Variants in RANBP3L observed in about 807,000 individuals in gnomAD.
RANBP3L encodes RAN binding protein 3 like, also known as ran-binding protein 3-like.
Under a neutral mutation model 67.2 loss-of-function variants are expected in RANBP3L, and 56 were observed. The observed-to-expected ratio is 0.83, with a 90% CI of 0.67 to 1.04. The LOEUF (loss-of-function observed/expected upper bound fraction) is 1.04. Among genes scored for constraint, RANBP3L ranks in the 50% least tolerant of loss-of-function variants. RANBP3L has a pLI of 0.00. For synonymous variants in RANBP3L, 164 were observed against 181.4 expected, an observed-to-expected ratio of 0.90 and a Z score of 0.77; for missense variants, 496 against 535.5, an observed-to-expected ratio of 0.93 and a Z score of 0.73.
In RANBP3L at chr5:36,257,469, T is replaced by A; in HGVS notation, c.757A>T (p.Asn253Tyr). 1 of 1,558,540 alleles carries A rather than the reference T, an allele frequency of 6.4e-7. No homozygotes were observed. Among genetic ancestry groups the A allele is most frequent in the Non-Finnish European group, 8.8e-7 (1 of 1,136,134 alleles). ...GAATTCTTACTTGAACTTAAAAAGTTGACAGGAAATTTCGGAATGGATTTG... is the reference window on the plus strand; with the variant it reads ...GAATTCTTACTTGAACTTAAAAAGTAGACAGGAAATTTCGGAATGGATTTG... ...PFKSIPKFPV[N>Y]FLSSRTDSIK... Residue 253 changes from asparagine (N) to tyrosine (Y), a missense_variant, in exon 9 of 14, where the codon AAC (asparagine) becomes TAC (tyrosine). By Grantham distance (143) the Asn-to-Tyr change is moderately radical. Transcript: ENST00000296604.
At chr5:36,269,524 C>T in intron 3 of RANBP3L, 57 bp from the exon 4 acceptor site, 1 of 999,526 alleles carries the variant, frequency 1.0e-6, no homozygotes, top group Admixed American at 1.7e-5. Flanking sequence ...TTATCCTCAA[C>T]TCATGATAGG....
intron 12 of RANBP3L, 122 bp downstream of exon 12, chr5:36,253,525 A>T: frequency 4.1e-6 from 3 of 728,988 alleles, no homozygotes; most frequent in Non-Finnish European, 6.8e-6. Flanking sequence ...AACAGACATA[A>T]TGAATGGCTG....
intron 1 of RANBP3L, among the ~76,000 whole-genome samples, chr5:36,299,124 C>G (rs950432097): frequency 6.6e-6 from 1 of 152,142 alleles, no homozygotes; most frequent in African/African-American, 2.4e-5. Flanking sequence ...TCCCAGCCTA[C>G]ATCTTTCTCT....
intron 11 of RANBP3L, among the ~76,000 whole-genome samples, chr5:36,254,866 T>C (rs1748858565): frequency 6.6e-6 from 1 of 152,052 alleles, no homozygotes; most frequent in Non-Finnish European, 1.5e-5. Flanking sequence ...GCTAGCTCTC[T>C]TGTATTTTTA....
chr5:36,250,783 A>C (rs1748535261), intron 13 of RANBP3L, among the ~76,000 whole-genome samples: 1 of 152,124 alleles, frequency 6.6e-6, no homozygotes. Flanking sequence ...CACTGATTCC[A>C]CTTCAACCTT....
Position 36,255,600 on chromosome 5 carries a change from A to G in RANBP3L, c.904-10T>C, listed in dbSNP as rs764674014. The G allele has an allele frequency of 5.0e-6, 8 of 1,592,710 alleles. No homozygotes were observed. The Admixed American group carries it at 1.4e-4, about 28-fold the overall frequency. ...AAAGCTTGCAGTTTATCTAAATGACAATTTTTTAAAATGTCAAATATATAG... is the reference window on the plus strand; with the variant it reads ...AAAGCTTGCAGTTTATCTAAATGACGATTTTTTAAAATGTCAAATATATAG... On this transcript the variant is annotated splice_polypyrimidine_tract_variant and intron_variant, in intron 10 of 13. Transcript: ENST00000296604.
At chr5:36,273,022 A>T (rs1047722449) in intron 1 of RANBP3L, among the ~76,000 whole-genome samples, 4 of 152,142 alleles carry the variant, frequency 2.6e-5, no homozygotes, top group African/African-American at 4.8e-5. Context: ...ATCTTCACTA[A>T]TATATTGGCA....
intron 1 of RANBP3L, among the ~76,000 whole-genome samples, chr5:36,284,030 C>A (rs1340199552): frequency 2.6e-5 from 4 of 151,766 alleles, no homozygotes; most frequent in African/African-American, 9.7e-5. Flanking sequence ...GTTGCCCAGG[C>A]TGGAGTGCAA....
chr5:36,273,686 T>G (rs1249812248), intron 1 of RANBP3L, among the ~76,000 whole-genome samples: 1 of 152,190 alleles, frequency 6.6e-6, no homozygotes, highest in Admixed American at 6.5e-5. Flanking sequence ...CCTGACCCAG[T>G]AGGAGAATCT....
At chr5:36,299,835 A>G (rs1752494064) in intron 1 of RANBP3L, among the ~76,000 whole-genome samples, 1 of 152,220 alleles carries the variant, frequency 6.6e-6, no homozygotes. Flanking sequence ...AAATTTGTTC[A>G]TCCTCTGTCA....
rs779557189 is a variant in RANBP3L at position 36,253,773 on chromosome 5, G to A, written c.1041C>T (p.Gly347=). The A allele has an allele frequency of 3.7e-6, 6 of 1,612,302 alleles. No individual in the cohort carries two copies. The highest frequency in any genetic ancestry group is 1.7e-4 in the Middle Eastern group (1 of 6,052). Residue 347 remains glycine (G), a synonymous_variant, in exon 12 of 14, where the codon GGC becomes GGT. Transcript: ENST00000296604. ...LQSRLIMRNQ[G]SLRLILNSKL... is the part of the protein sequence containing the mutation. ...TGCTGTTGAGGATCAGCCTTAGACT[G>A]CCTTGATTGCGCATAACTAAAATAG...
At chr5:36,288,794 T>G (rs1286838415) in intron 1 of RANBP3L, among the ~76,000 whole-genome samples, 2 of 152,198 alleles carry the variant, frequency 1.3e-5, no homozygotes, top group African/African-American at 2.4e-5. Flanking sequence ...CCAGATCTTT[T>G]GCCCATTTTT....
chr5:36,271,663 G>A (rs1292734371), intron 1 of RANBP3L, among the ~76,000 whole-genome samples: 1 of 152,118 alleles, frequency 6.6e-6, no homozygotes, highest in Non-Finnish European at 1.5e-5. Context: ...AAGTTTCAAT[G>A]AGTGAAAAAT....
rs372244611 is a variant in RANBP3L at position 36,247,713 on chromosome 5, G to A, written c.*1941C>T. Among the ~76,000 whole-genome samples the A allele has an allele frequency of 3.3e-5, 5 of 152,114 alleles. No individual in the cohort carries two copies. Among genetic ancestry groups the A allele is most frequent in the African/African-American group, 7.2e-5 (3 of 41,508 alleles). On this transcript the variant is annotated 3_prime_UTR_variant, in exon 14 of 14. Coordinates refer to ENST00000296604, the MANE Select transcript of RANBP3L (RefSeq NM_145000.5). ...AGCCTGGCCAACATGGTGAAACCCCGTCTCTACTAAAAATACAAAAATTAG... is the reference window on the plus strand; with the variant it reads ...AGCCTGGCCAACATGGTGAAACCCCATCTCTACTAAAAATACAAAAATTAG...
At chr5:36,288,935 T>C (rs1407134897) in intron 1 of RANBP3L, among the ~76,000 whole-genome samples, 1 of 152,170 alleles carries the variant, frequency 6.6e-6, no homozygotes, top group Admixed American at 6.5e-5. Context: ...CAGATATGTT[T>C]AATATTGATA....
At chr5:36,291,044 C>T (rs945567457) in intron 1 of RANBP3L, among the ~76,000 whole-genome samples, 10 of 151,640 alleles carry the variant, frequency 6.6e-5, no homozygotes, top group African/African-American at 1.5e-4. Context: ...ATGCCTGGCC[C>T]GGCTTTTTTG....
At chr5:36,268,364 T>A in intron 4 of RANBP3L, 1 of 664,330 alleles carries the variant, frequency 1.5e-6, no homozygotes, top group Non-Finnish European at 2.4e-6. Flanking sequence ...TCTGTATCAC[T>A]AATTTAGAAA....
At position 36,249,059 on chromosome 5, in the gene RANBP3L, A is replaced by G. The variant is rs1451844091; in HGVS notation, c.*595T>C. ...ACTATTGGATGCTGACCATGAGTCAAACATTGACAAGATGCAACAGATACA... is the reference window on the plus strand; with the variant it reads ...ACTATTGGATGCTGACCATGAGTCAGACATTGACAAGATGCAACAGATACA... On this transcript the variant is annotated 3_prime_UTR_variant, in exon 14 of 14. Coordinates refer to ENST00000296604, the MANE Select transcript of RANBP3L (RefSeq NM_145000.5). The G allele has an allele frequency of 1.3e-5, 2 of 152,128 alleles. No homozygotes were observed. The highest frequency in any genetic ancestry group is 4.8e-5 in the African/African-American group (2 of 41,458). The allele number at this position is 152,128 out of a possible 1,614,324, so 9.4% of individuals were successfully genotyped here.
chr5:36,273,598 A>G (rs1750376282), intron 1 of RANBP3L, among the ~76,000 whole-genome samples: 1 of 152,150 alleles, frequency 6.6e-6, no homozygotes, highest in Admixed American at 6.5e-5. Flanking sequence ...CCCTTCTCCC[A>G]AACAATTCTC....
Sources: gnomAD v4.1 joint callset for allele counts (sites outside exome capture counted in the v4.1 genomes callset) on GRCh38, gnomAD v4.1.1 for gene constraint, MANE v1.5 for transcripts, NCBI Gene and HGNC (gene_info 2026-07-23, HGNC 2026-07-21) for gene names.